SMYD3: variants seen among roughly 807,000 people sequenced by gnomAD.
The protein encoded by SMYD3 is histone-lysine N-methyltransferase SMYD3.
Under a neutral mutation model 57.7 loss-of-function variants are expected in SMYD3, and 36 were observed. That is an observed-to-expected ratio of 0.62 (90% CI 0.48 to 0.82). The LOEUF (loss-of-function observed/expected upper bound fraction) is 0.82, where lower values mean the gene tolerates loss of function less well. SMYD3 is among the 40% of genes least tolerant of loss of function. The probability of loss-of-function intolerance (pLI) is 0.00; values close to 1 mark genes in which losing one functional copy is unlikely to be tolerated. For missense variants in SMYD3, 515 were observed against 538.8 expected, an observed-to-expected ratio of 0.96 and a Z score of 0.44; for synonymous variants, 211 against 195.0, an observed-to-expected ratio of 1.08 and a Z score of -0.68.
chr1:246,008,282 C>T (rs144292974), intron 5 of SMYD3, among the ~76,000 whole-genome samples: 67 of 151,364 alleles, frequency 4.4e-4, no homozygotes, highest in East Asian at 9.7e-4. Context: ...TATCCACAGA[C>T]GCACAGAGCG....
intron 5 of SMYD3, among the ~76,000 whole-genome samples, chr1:246,104,730 T>A (rs1368734203): frequency 1.3e-5 from 2 of 152,124 alleles, no homozygotes; most frequent in Non-Finnish European, 2.9e-5. Context: ...AATTTCCTCA[T>A]GTTTACCTTC....
rs73141356 is a variant in SMYD3 at position 246,146,754 on chromosome 1, C to T, written c.531+180447G>A. On this transcript the variant is annotated intron_variant, in intron 5 of 11. Transcript: ENST00000490107. ...CCATGCTAGCCAGAGCCACATACTC[C>T]AATTCACCTAGAATTGGCACAACAG... is the stretch of plus-strand genomic sequence containing the variant. 8.7e-3 allele frequency among the ~76,000 whole-genome samples: 1,330 copies of T among 152,246 alleles called. 13 individuals are homozygous for T. The highest frequency in any genetic ancestry group is 0.03 in the African/African-American group (1,239 of 41,548).
chr1:246,141,878 C>A (rs2061763081), intron 5 of SMYD3, among the ~76,000 whole-genome samples: 1 of 152,158 alleles, frequency 6.6e-6, no homozygotes. Flanking sequence ...TATTTTGAAA[C>A]AAAGTTAAGT....
chr1:245,898,447 G>T (rs2053971672), intron 8 of SMYD3, among the ~76,000 whole-genome samples: 1 of 152,148 alleles, frequency 6.6e-6, no homozygotes, highest in South Asian at 2.1e-4. Context: ...TGAATGTTAG[G>T]GTCGCAACTA....
Position 245,778,362 on chromosome 1 carries a change from T to G in SMYD3, c.1077-14213A>C, listed in dbSNP as rs184039079. ...CACAATAGAAATTCAAGAAATTGATTCACACAAATGTAGCCAATTATTTTT... is the reference window on the plus strand; with the variant it reads ...CACAATAGAAATTCAAGAAATTGATGCACACAAATGTAGCCAATTATTTTT... On this transcript the variant is annotated intron_variant, in intron 10 of 11. Transcript: ENST00000490107. 2.0e-3 allele frequency among the ~76,000 whole-genome samples: 302 copies of G among 152,230 alleles called. 1 individual carries two copies. Among genetic ancestry groups the G allele is most frequent in the Non-Finnish European group, 3.3e-3 (224 of 67,980 alleles).
intron 5 of SMYD3, among the ~76,000 whole-genome samples, chr1:246,025,437 A>G (rs2059558051): frequency 6.6e-6 from 1 of 152,212 alleles, no homozygotes; most frequent in South Asian, 2.1e-4. Context: ...TCCCAAACAC[A>G]AAGACGTCTC....
At chr1:246,365,774 A>G (rs377633148) in intron 1 of SMYD3, among the ~76,000 whole-genome samples, 1 of 152,324 alleles carries the variant, frequency 6.6e-6, no homozygotes. Flanking sequence ...AAACAAGGCA[A>G]CTTAACTTCC....
intron 5 of SMYD3, among the ~76,000 whole-genome samples, chr1:246,109,262 T>C (rs1170145835): frequency 1.3e-5 from 2 of 152,204 alleles, no homozygotes; most frequent in African/African-American, 4.8e-5. Context: ...AAATTATGTA[T>C]AGTCTGATAA....
chr1:245,944,708 G>A (rs1278990082), intron 5 of SMYD3, among the ~76,000 whole-genome samples: 2 of 152,140 alleles, frequency 1.3e-5, no homozygotes, highest in African/African-American at 4.8e-5. Context: ...AAAGAACAAA[G>A]CCGGAGGCAT....
Position 245,927,976 on chromosome 1 carries a change from G to C in SMYD3, c.657C>G (p.Pro219=). 1 of 1,613,130 alleles carries C rather than the reference G, an allele frequency of 6.2e-7. No individual in the cohort carries two copies. ...DPNCSIVFNG[P]HLLLRAVRDI... ...CTCGGACTGCTCGCAGTAAGAGGTG[G>C]GGCCCATTGAACACAATCGAACAGT... Residue 219 remains proline (P), a synonymous_variant, in exon 7 of 12, where the codon CCC becomes CCG. Coordinates refer to ENST00000490107, the MANE Select transcript of SMYD3 (RefSeq NM_001167740.2).
At chr1:245,962,102 G>T (rs896583949) in intron 5 of SMYD3, among the ~76,000 whole-genome samples, 1 of 152,144 alleles carries the variant, frequency 6.6e-6, no homozygotes, top group African/African-American at 2.4e-5. Flanking sequence ...GCCAGCAGCT[G>T]TATTTCATCT....
At chr1:246,416,920 T>C (rs2067071636) in intron 1 of SMYD3, among the ~76,000 whole-genome samples, 1 of 152,098 alleles carries the variant, frequency 6.6e-6, no homozygotes, top group Admixed American at 6.5e-5. Flanking sequence ...AGAAATCTCA[T>C]TAAATTACCA....
intron 5 of SMYD3, among the ~76,000 whole-genome samples, chr1:245,935,251 A>C (rs2056933408): frequency 6.6e-6 from 1 of 152,258 alleles, no homozygotes; most frequent in Admixed American, 6.5e-5. Context: ...AAAGGATTTG[A>C]GTAGACATTT....
chr1:246,168,080 C>T (rs974396175), intron 5 of SMYD3, among the ~76,000 whole-genome samples: 1 of 152,152 alleles, frequency 6.6e-6, no homozygotes, highest in Non-Finnish European at 1.5e-5. Context: ...GTCTGTCCTG[C>T]AACTTAGTCA....
intron 8 of SMYD3, among the ~76,000 whole-genome samples, chr1:245,880,575 C>T (rs917645754): frequency 2.0e-5 from 3 of 152,146 alleles, no homozygotes; most frequent in African/African-American, 4.8e-5. Context: ...ATCATTTCAA[C>T]GAAGTATCAG....
intron 10 of SMYD3, among the ~76,000 whole-genome samples, chr1:245,834,405 C>T (rs2050002350): frequency 6.6e-6 from 1 of 152,154 alleles, no homozygotes; most frequent in Non-Finnish European, 1.5e-5. Flanking sequence ...ACACTGAGTT[C>T]CAAAATCGTA....
chr1:246,272,469 C>T (rs1272476840), intron 5 of SMYD3, among the ~76,000 whole-genome samples: 1 of 152,012 alleles, frequency 6.6e-6, no homozygotes, highest in African/African-American at 2.4e-5. Flanking sequence ...CTTATGTGTT[C>T]AGTGATTTTT....
At chr1:245,924,678 T>TTTTTC (rs1491247605) in intron 7 of SMYD3, among the ~76,000 whole-genome samples, 1 of 76,786 alleles carries the variant, frequency 1.3e-5, no homozygotes, top group East Asian at 3.4e-4. Context: ...TTTTTTTTTT[T>TTTTTC]CTGAGATGGA....
intron 5 of SMYD3, among the ~76,000 whole-genome samples, chr1:246,115,002 G>A (rs545517830): frequency 2.6e-5 from 4 of 152,296 alleles, no homozygotes; most frequent in East Asian, 1.9e-4. Flanking sequence ...AGCCAGTCAC[G>A]CTCACAACAA....
Sources: gnomAD v4.1 joint callset for allele counts (sites outside exome capture counted in the v4.1 genomes callset) on GRCh38, gnomAD v4.1.1 for gene constraint, MANE v1.5 for transcripts, NCBI Gene and HGNC (gene_info 2026-07-23, HGNC 2026-07-21) for gene names.